CHPT1: variants seen among roughly 807,000 people sequenced by gnomAD.
The protein encoded by CHPT1 is cholinephosphotransferase 1.
CHPT1 carries 36 observed loss-of-function variants against 47.6 expected under a neutral mutation model. The observed-to-expected ratio is 0.76, with a 90% CI of 0.58 to 1.00. The LOEUF is 1.00. Ranked by LOEUF, CHPT1 falls within the 50% of genes least tolerant of loss-of-function variation. CHPT1 has a pLI of 0.00. For synonymous variants in CHPT1, 194 were observed against 186.3 expected (o/e 1.04, Z -0.33); for missense variants, 458 against 498.1 (o/e 0.92, Z 0.77).
At chr12:101,717,063 C>T (rs1951774046) in intron 4 of CHPT1, among the ~76,000 whole-genome samples, 1 of 151,448 alleles carries the variant, frequency 6.6e-6, no homozygotes, top group Non-Finnish European at 1.5e-5. Flanking sequence ...ACCTCATTTC[C>T]CTAATACTAA....
chr12:101,722,214 C>A (rs943715376), intron 5 of CHPT1, among the ~76,000 whole-genome samples: 8 of 151,830 alleles, frequency 5.3e-5, no homozygotes, highest in Non-Finnish European at 7.4e-5. Context: ...ATTTAAGAAT[C>A]ATAATATAAA....
At chr12:101,720,809 ATTTG>A (rs1951838534) in intron 5 of CHPT1, among the ~76,000 whole-genome samples, 1 of 152,116 alleles carries the variant, frequency 6.6e-6, no homozygotes, top group African/African-American at 2.4e-5. Context: ...ATTTTTTCAC[ATTTG>A]TTTTTTAAAA....
At chr12:101,717,411 G>A in intron 4 of CHPT1, 1 of 395,738 alleles carries the variant, frequency 2.5e-6, no homozygotes, top group Non-Finnish European at 5.1e-6. Flanking sequence ...CCACCATACT[G>A]GCTAACTGAC....
chr12:101,719,133 G>A (rs1211894871), intron 4 of CHPT1, among the ~76,000 whole-genome samples: 1 of 144,306 alleles, frequency 6.9e-6, no homozygotes, highest in African/African-American at 2.7e-5. Flanking sequence ...CTCCAGCCCT[G>A]GGCGACAAGA....
chr12:101,714,444 G>A, intron 2 of CHPT1, 60 bp from the exon 3 acceptor site: 3 of 1,411,588 alleles, frequency 2.1e-6, no homozygotes, highest in East Asian at 4.9e-5. Flanking sequence ...AACAGCATAG[G>A]GCAATTATTT....
chr12:101,720,693 T>C (rs1201454756), intron 5 of CHPT1, among the ~76,000 whole-genome samples: 2 of 152,248 alleles, frequency 1.3e-5, no homozygotes, highest in Admixed American at 1.3e-4. Flanking sequence ...AGAACTATTC[T>C]AATATTTCAA....
chr12:101,717,246 C>A (rs1365027368), intron 4 of CHPT1: 2 of 453,384 alleles, frequency 4.4e-6, no homozygotes, highest in Non-Finnish European at 8.9e-6. Flanking sequence ...GGTGAAGATT[C>A]CCATATTAAG....
rs1190714646 is a variant in CHPT1, at chr12:101,697,896, G to T, written c.35G>T (p.Arg12Leu). The change falls in exon 1 of 9, where the codon CGC becomes CTC. Residue 12 changes from arginine (R) to leucine (L), a missense_variant. Physicochemically the swap from Arg to Leu is moderately radical, Grantham distance 102. Coordinates refer to ENST00000229266, the MANE Select transcript of CHPT1 (RefSeq NM_020244.3). Reference sequence around the variant, plus strand: ...GGCGCCGGGGCCGGGTCCGCGCCGCGCTGGCTGAGGGCGCTGAGCGAGCCG... The same window carrying T: ...GGCGCCGGGGCCGGGTCCGCGCCGCTCTGGCTGAGGGCGCTGAGCGAGCCG... ...AAGAGAGSAP[R>L]WLRALSEPLS... 1.3e-5 allele frequency: 17 copies of T among 1,266,804 alleles called. No homozygotes were observed. The highest frequency in any genetic ancestry group is 1.7e-5 in the Non-Finnish European group (17 of 1,007,808). 78.5% of individuals were successfully genotyped at this position (1,266,804 alleles called of 1,614,324 possible).
chr12:101,713,133 G>A (rs1165560169), intron 1 of CHPT1, among the ~76,000 whole-genome samples: 3 of 148,602 alleles, frequency 2.0e-5, no homozygotes, highest in African/African-American at 4.9e-5. Flanking sequence ...TATGCCTGCT[G>A]GTAAGGCAGT....
In CHPT1 at chr12:101,697,781, A is replaced by C. The variant is rs1951483410; in HGVS notation, c.-81A>C. 3 of 452,016 alleles carry C rather than the reference A, an allele frequency of 6.6e-6. No homozygotes were observed. Among genetic ancestry groups the C allele is most frequent in the African/African-American group, 6.4e-5 (3 of 46,812 alleles). 28.0% of individuals were successfully genotyped at this position (452,016 alleles called of 1,614,324 possible). ...CCGGCAGTCGCAGGACCCGGCCGCCAGCCTCTCCCTCCACCTCTCCCTGCC... is the reference window on the plus strand; with the variant it reads ...CCGGCAGTCGCAGGACCCGGCCGCCCGCCTCTCCCTCCACCTCTCCCTGCC... On this transcript the variant is annotated 5_prime_UTR_variant, in exon 1 of 9. Coordinates refer to ENST00000229266, the MANE Select transcript of CHPT1 (RefSeq NM_020244.3).
chr12:101,715,661 G>A (rs1270798970), intron 3 of CHPT1, among the ~76,000 whole-genome samples: 1 of 152,190 alleles, frequency 6.6e-6, no homozygotes, highest in Non-Finnish European at 1.5e-5. Flanking sequence ...AGGAAAAAAT[G>A]TAGATTGGAG....
intron 3 of CHPT1, among the ~76,000 whole-genome samples, chr12:101,716,229 G>A (rs1351652654): frequency 6.6e-6 from 1 of 152,130 alleles, no homozygotes; most frequent in Non-Finnish European, 1.5e-5. Flanking sequence ...GGGGAAAAAT[G>A]TCTATGGAAA....
chr12:101,717,295 G>T (rs774617103), intron 4 of CHPT1: 42 of 454,890 alleles, frequency 9.2e-5, no homozygotes, highest in Non-Finnish European at 1.8e-4. Flanking sequence ...GACCTCAGTA[G>T]TTTCATAAAA....
At chr12:101,721,834 G>T (rs1024923576) in intron 5 of CHPT1, among the ~76,000 whole-genome samples, 14 of 152,256 alleles carry the variant, frequency 9.2e-5, no homozygotes, top group Admixed American at 2.6e-4. Flanking sequence ...GCCGAGGCGG[G>T]CAGATCATTA....
At chr12:101,709,388 CAAAAA>C (rs544323245) in intron 1 of CHPT1, among the ~76,000 whole-genome samples, 3 of 71,464 alleles carry the variant, frequency 4.2e-5, no homozygotes, top group Non-Finnish European at 5.9e-5. Context: ...AGACCTGTGT[CAAAAA>C]AAAAAAAAAA....
At chr12:101,714,781 A>T (rs912380599) in intron 3 of CHPT1, 136 bp downstream of exon 3, 10 of 762,600 alleles carry the variant, frequency 1.3e-5, no homozygotes, top group Admixed American at 3.5e-5. Context: ...GTACTCATAA[A>T]TGCTACACCT....
intron 4 of CHPT1, chr12:101,717,336 T>G (rs1951778798): frequency 2.2e-6 from 1 of 451,346 alleles, no homozygotes; most frequent in South Asian, 1.6e-5. Flanking sequence ...TGTCATAAAT[T>G]CAAGCTTTTT....
In CHPT1 at chr12:101,701,293, A is replaced by G. The variant is rs149762596; in HGVS notation, c.273+3159A>G. On this transcript the variant is annotated intron_variant, in intron 1 of 8. Coordinates refer to ENST00000229266, the MANE Select transcript of CHPT1 (RefSeq NM_020244.3). The stretch of plus-strand genomic sequence containing the variant: ...TTATCCAACTATGTACCCATCTTTC[A>G]ATACCCAATTCTAACACTATATCCT... 2.3e-3 allele frequency among the ~76,000 whole-genome samples: 351 copies of G among 152,184 alleles called. 9 individuals carry two copies. The East Asian group carries it at 0.06, about 26-fold the overall frequency.
At chr12:101,700,926 T>A (rs1272022939) in intron 1 of CHPT1, among the ~76,000 whole-genome samples, 2 of 152,216 alleles carry the variant, frequency 1.3e-5, no homozygotes, top group Non-Finnish European at 2.9e-5. Context: ...TTTTTCAGAC[T>A]TGACAGATTG....
Sources: allele counts gnomAD v4.1 joint callset (sites outside exome capture counted in the v4.1 genomes callset), GRCh38; gene constraint gnomAD v4.1.1; transcripts MANE v1.5; gene names NCBI Gene and HGNC (gene_info 2026-07-23, HGNC 2026-07-21).